The following PIEZO2 variants were observed in gnomAD, a reference collection of about 807,000 sequenced individuals.
PIEZO2 encodes piezo type mechanosensitive ion channel component 2.
A neutral mutation model predicts 337.3 loss-of-function variants in PIEZO2; 172 were observed. The observed-to-expected ratio is 0.51, with a 90% CI of 0.45 to 0.58. The LOEUF (loss-of-function observed/expected upper bound fraction) is 0.58. PIEZO2 is among the 20% of genes least tolerant of loss of function. The pLI, the probability that PIEZO2 is intolerant of heterozygous loss-of-function variation, is 0.00. For synonymous variants in PIEZO2, 1,251 were observed against 1,228.5 expected, an observed-to-expected ratio of 1.02 and a Z score of -0.38; for missense variants, 3,028 against 3,391.3, an observed-to-expected ratio of 0.89 and a Z score of 2.66.
intron 1 of PIEZO2, among the ~76,000 whole-genome samples, chr18:11,067,909 C>T (rs1041061553): frequency 5.3e-5 from 8 of 152,112 alleles, no homozygotes; most frequent in Admixed American, 5.2e-4. Context: ...CAGCAGAATA[C>T]ACATTCTTTT....
At chr18:11,007,788 T>C (rs1440689132) in intron 2 of PIEZO2, among the ~76,000 whole-genome samples, 2 of 152,034 alleles carry the variant, frequency 1.3e-5, no homozygotes, top group African/African-American at 4.8e-5. Flanking sequence ...AACTATCCTT[T>C]GAAAATGAAG....
chr18:10,733,934 C>T (rs8083853), intron 35 of PIEZO2, among the ~76,000 whole-genome samples: 49,497 of 151,970 alleles, frequency 0.33, 8,865 homozygotes, highest in East Asian at 0.53. Flanking sequence ...TTAAATTTTA[C>T]CATATATATC....
chr18:10,998,168 C>T (rs1011221905), intron 2 of PIEZO2, among the ~76,000 whole-genome samples: 1 of 151,956 alleles, frequency 6.6e-6, no homozygotes, highest in African/African-American at 2.4e-5. Context: ...TGAAACTGTC[C>T]TTCAGGAATG....
chr18:10,684,663 A>T lies in PIEZO2; in HGVS notation c.7498-2371T>A, dbSNP rs1283855199. Among the ~76,000 whole-genome samples, 6 of 150,686 alleles carry T rather than the reference A, an allele frequency of 4.0e-5. No individual in the cohort carries two copies. In the East Asian group the frequency reaches 1.2e-3, roughly 30 times the overall value. The stretch of plus-strand genomic sequence containing the variant: ...ATATTTTTAGTAGTGACAGGGTTTC[A>T]CCATGTTGGCCAAGCTGGTCTTGAA... On this transcript the variant is annotated intron_variant, in intron 49 of 55. Coordinates refer to ENST00000674853, the MANE Select transcript of PIEZO2 (RefSeq NM_001378183.1).
At chr18:10,683,338 C>T (rs1262000662) in intron 49 of PIEZO2, among the ~76,000 whole-genome samples, 7 of 152,180 alleles carry the variant, frequency 4.6e-5, no homozygotes, top group African/African-American at 7.2e-5. Flanking sequence ...AAGATGGTGC[C>T]GGAAATATGA....
chr18:10,681,827 T>G (rs1014982616), intron 50 of PIEZO2, 74 bp from the exon 51 acceptor site: 1 of 1,262,446 alleles, frequency 7.9e-7, no homozygotes, highest in African/African-American at 1.5e-5. Flanking sequence ...AGAAAAACAT[T>G]TATGTAGGAT....
At chr18:10,959,226 TTTGTTCTCAAAGTC>T (rs1230660307) in intron 3 of PIEZO2, among the ~76,000 whole-genome samples, 3 of 152,206 alleles carry the variant, frequency 2.0e-5, no homozygotes, top group Non-Finnish European at 4.4e-5. Flanking sequence ...TTTGTCTTGT[TTTGTTCTCAAAGTC>T]TTCACAGTAA....
In PIEZO2 at chr18:10,857,022, TAAC is replaced by T. The variant is rs748228647; in HGVS notation, c.679_681del (p.Val227del). The T allele has an allele frequency of 6.5e-7, 1 of 1,537,276 alleles. No individual in the cohort carries two copies. Among genetic ancestry groups the T allele is most frequent in the Non-Finnish European group, 8.7e-7 (1 of 1,146,918 alleles). ...TCACCCGAGGAGCCCAGTAAGATGGTAACAACGACTTTCCCAGCAGTGGTGATC... is the reference window on the plus strand; with the variant it reads ...TCACCCGAGGAGCCCAGTAAGATGGTAACGACTTTCCCAGCAGTGGTGATC... On this transcript the variant is annotated inframe_deletion, in exon 6 of 56. Coordinates refer to ENST00000674853, the MANE Select transcript of PIEZO2 (RefSeq NM_001378183.1).
intron 47 of PIEZO2, 68 bp downstream of exon 47, chr18:10,696,006 C>T (rs1235110182): frequency 9.0e-6 from 13 of 1,439,796 alleles, no homozygotes; most frequent in East Asian, 2.3e-5. Flanking sequence ...GCAATGCATG[C>T]GAGTATCACC....
At chr18:11,108,418 A>G (rs527400851) in intron 1 of PIEZO2, among the ~76,000 whole-genome samples, 1 of 151,646 alleles carries the variant, frequency 6.6e-6, no homozygotes, top group Non-Finnish European at 1.5e-5. Context: ...GATCGAGACC[A>G]TCCTGGCTAA....
chr18:10,706,882 GGTTCCATAAACACT>G (rs2143800936), intron 40 of PIEZO2, among the ~76,000 whole-genome samples: 1 of 152,220 alleles, frequency 6.6e-6, no homozygotes, highest in South Asian at 2.1e-4. Context: ...TGACCACCAG[GGTTCCATAAACACT>G]GAGATTCTCA....
intron 3 of PIEZO2, among the ~76,000 whole-genome samples, chr18:10,957,208 C>A (rs991550695): frequency 6.6e-6 from 1 of 151,562 alleles, no homozygotes; most frequent in Non-Finnish European, 1.5e-5. Flanking sequence ...ACCAGCCTGG[C>A]GAGCATGGTA....
intron 43 of PIEZO2, among the ~76,000 whole-genome samples, chr18:10,701,582 T>C (rs1264501021): frequency 6.6e-6 from 1 of 152,212 alleles, no homozygotes; most frequent in African/African-American, 2.4e-5. Flanking sequence ...GATGAGACAA[T>C]ATGATCCACA....
At chr18:11,030,257 T>C (rs1416117064) in intron 2 of PIEZO2, among the ~76,000 whole-genome samples, 3 of 152,196 alleles carry the variant, frequency 2.0e-5, no homozygotes, top group Non-Finnish European at 4.4e-5. Flanking sequence ...ATGACAACTA[T>C]AGTGAAATTT....
intron 3 of PIEZO2, among the ~76,000 whole-genome samples, chr18:10,934,180 G>C (rs186740222): frequency 2.0e-5 from 3 of 152,312 alleles, no homozygotes; most frequent in Non-Finnish European, 2.9e-5. Flanking sequence ...TTCCATTAAA[G>C]TGCTTTCATA....
At chr18:10,728,241 T>C (rs1010079542) in intron 36 of PIEZO2, 1 of 152,718 alleles carries the variant, frequency 6.5e-6, no homozygotes, top group East Asian at 1.9e-4. Context: ...CCAAAGGAAA[T>C]TGGACACTCT....
intron 3 of PIEZO2, among the ~76,000 whole-genome samples, chr18:10,966,870 G>A (rs979401109): frequency 1.3e-5 from 2 of 152,030 alleles, no homozygotes; most frequent in African/African-American, 4.8e-5. Flanking sequence ...AACATACAAT[G>A]TTTGGTTTCC....
At position 10,724,547 on chromosome 18, in the gene PIEZO2, C is replaced by T; in HGVS notation, c.5030-6288G>A. On this transcript the variant is annotated intron_variant, in intron 36 of 55. Transcript: ENST00000674853. The surrounding 1 kb of genome is among the most constrained non-coding windows in gnomAD (Gnocchi z 5.8). ...CCACTCATGCTGGTCTCCACATACC[C>T]TTCTGTGTCCCCAGAAGTCGACAGT... 1 of 543,812 alleles carries T rather than the reference C, an allele frequency of 1.8e-6. No homozygotes were observed. Among genetic ancestry groups the T allele is most frequent in the African/African-American group, 1.9e-5 (1 of 53,012 alleles). 33.7% of individuals were successfully genotyped at this position (543,812 alleles called of 1,614,324 possible). A position where few individuals can be genotyped will look rare whatever the true frequency, so the allele number is the denominator to read the frequency against.
At position 10,824,725 on chromosome 18, in the gene PIEZO2, C is replaced by A. The variant is rs2040618305; in HGVS notation, c.918-17451G>T. ...AGTTGAAAACATACTACAGAGAATT[C>A]TCTATACCCATTTTCCTCGACTGTT... On this transcript the variant is annotated intron_variant, in intron 7 of 55. Transcript: ENST00000674853. The surrounding 1 kb of genome is among the most constrained non-coding windows in gnomAD (Gnocchi z 4.4). Among the ~76,000 whole-genome samples, 1 of 152,060 alleles carries A rather than the reference C, an allele frequency of 6.6e-6. No individual in the cohort carries two copies. The highest frequency in any genetic ancestry group is 6.6e-5 in the Admixed American group (1 of 15,266).
Sources: gnomAD v4.1 joint callset for allele counts (sites outside exome capture counted in the v4.1 genomes callset) on GRCh38, gnomAD v4.1.1 for gene constraint, Gnocchi (gnomAD v3.1) non-coding constraint, MANE v1.5 for transcripts, NCBI Gene and HGNC (gene_info 2026-07-23, HGNC 2026-07-21) for gene names.